The following PRKAG2 variants were observed in gnomAD, a reference collection of about 807,000 sequenced individuals.
PRKAG2 encodes protein kinase AMP-activated non-catalytic subunit gamma 2, also known as 5'-AMP-activated protein kinase subunit gamma-2.
PRKAG2 carries 26 observed loss-of-function variants against 69.6 expected under a neutral mutation model. The ratio of observed to expected loss-of-function variants is 0.37; its 90% CI spans 0.27 to 0.52. The LOEUF is 0.52. Among genes scored for constraint, PRKAG2 ranks in the 20% least tolerant of loss-of-function variants. The pLI, the probability that PRKAG2 is intolerant of heterozygous loss-of-function variation, is 0.90. For missense variants in PRKAG2, 557 were observed against 740.0 expected (o/e 0.75, Z 2.87); for synonymous variants, 293 against 285.0 (o/e 1.03, Z -0.28).
chr7:151,568,395 C>CA (rs1451902090), intron 11 of PRKAG2, among the ~76,000 whole-genome samples: 11 of 152,206 alleles, frequency 7.2e-5, no homozygotes, highest in African/African-American at 2.7e-4. Flanking sequence ...TTATCTTGTA[C>CA]AACAGTCCTC....
intron 7 of PRKAG2, among the ~76,000 whole-genome samples, chr7:151,575,656 G>C (rs903025938): frequency 1.3e-5 from 2 of 152,184 alleles, no homozygotes; most frequent in African/African-American, 2.4e-5. Context: ...TGTCAAAAAG[G>C]TGTGCACTAG....
chr7:151,659,861 C>T (rs1299348465), intron 4 of PRKAG2, among the ~76,000 whole-genome samples: 3 of 152,190 alleles, frequency 2.0e-5, no homozygotes, highest in Admixed American at 6.6e-5. Flanking sequence ...TATATTTTCC[C>T]ACTAGCTGTG....
intron 5 of PRKAG2, among the ~76,000 whole-genome samples, chr7:151,621,739 G>C (rs545829653): frequency 5.3e-5 from 8 of 151,916 alleles, no homozygotes; most frequent in African/African-American, 1.9e-4. Flanking sequence ...CACCCGGATA[G>C]TTTTTGTATT....
At chr7:151,682,484 T>C (rs1369783211) in intron 3 of PRKAG2, among the ~76,000 whole-genome samples, 1 of 152,224 alleles carries the variant, frequency 6.6e-6, no homozygotes, top group East Asian at 1.9e-4. Context: ...AGTCACCTCC[T>C]GCCTCAGCCT....
chr7:151,715,771 A>G (rs150127939), intron 3 of PRKAG2, among the ~76,000 whole-genome samples: 2 of 152,300 alleles, frequency 1.3e-5, no homozygotes, highest in African/African-American at 4.8e-5. Flanking sequence ...CCAGGGAGGC[A>G]GCGAACAGGA....
rs1219148226 is a variant in PRKAG2 at position 151,570,508 on chromosome 7, TA to T, written c.1052-284del. 5.3e-5 allele frequency among the ~76,000 whole-genome samples: 8 copies of T among 152,260 alleles called. No individual in the cohort carries two copies. The East Asian group carries it at 1.5e-3, about 29-fold the overall frequency. On this transcript the variant is annotated intron_variant, in intron 9 of 15. Transcript: ENST00000287878. ...AATCAGGAAAAACAAAGAAATCTGATAAAAGAGCAATACCAGCAGAGGTCAC... is the reference window on the plus strand; with the variant it reads ...AATCAGGAAAAACAAAGAAATCTGATAAAGAGCAATACCAGCAGAGGTCAC...
At chr7:151,629,919 C>T (rs1406952522) in intron 5 of PRKAG2, among the ~76,000 whole-genome samples, 1 of 152,080 alleles carries the variant, frequency 6.6e-6, no homozygotes, top group Non-Finnish European at 1.5e-5. Flanking sequence ...GTGTGAGATT[C>T]TGCTTGATAT....
chr7:151,733,369 T>A (rs969416676), intron 3 of PRKAG2, among the ~76,000 whole-genome samples: 3 of 152,208 alleles, frequency 2.0e-5, no homozygotes, highest in African/African-American at 7.2e-5. Context: ...TGCATCTGCA[T>A]CCAGGCTCTT....
intron 1 of PRKAG2, among the ~76,000 whole-genome samples, chr7:151,841,239 C>T (rs62480472): frequency 0.17 from 25,637 of 152,186 alleles, 2,292 homozygotes; most frequent in East Asian, 0.27. Flanking sequence ...CCTCCCATCT[C>T]AGCCTCCCAA....
chr7:151,854,313 G>A (rs550457747), intron 1 of PRKAG2, among the ~76,000 whole-genome samples: 3 of 152,248 alleles, frequency 2.0e-5, no homozygotes, highest in Non-Finnish European at 2.9e-5. Flanking sequence ...ACGAACACAC[G>A]TGCACATGCA....
intron 2 of PRKAG2, among the ~76,000 whole-genome samples, chr7:151,782,372 G>GGAGGGAAA (rs1563663443): frequency 3.5e-5 from 1 of 28,520 alleles, no homozygotes; most frequent in African/African-American, 9.4e-5. Context: ...AGGGAGGGAG[G>GGAGGGAAA]GAAGGAAAGA....
intron 3 of PRKAG2, among the ~76,000 whole-genome samples, chr7:151,745,271 G>T (rs943688269): frequency 5.9e-5 from 9 of 152,176 alleles, no homozygotes; most frequent in Admixed American, 4.6e-4. Flanking sequence ...CCTCCGCGCC[G>T]GGGAGCAGCA....
intron 1 of PRKAG2, among the ~76,000 whole-genome samples, chr7:151,830,182 C>T (rs73160033): frequency 0.25 from 37,533 of 149,466 alleles, 5,282 homozygotes; most frequent in Non-Finnish European, 0.29. Flanking sequence ...AGAAGTTCAG[C>T]GGTTTGCCAT....
At chr7:151,750,539 T>C (rs992399535) in intron 3 of PRKAG2, among the ~76,000 whole-genome samples, 2 of 152,204 alleles carry the variant, frequency 1.3e-5, no homozygotes, top group Admixed American at 6.5e-5. Context: ...CTGTGAGATA[T>C]GCAGAATAGG....
intron 1 of PRKAG2, 138 bp downstream of exon 1, chr7:151,876,369 T>C (rs1050253574): frequency 7.0e-6 from 6 of 851,596 alleles, no homozygotes; most frequent in South Asian, 2.8e-5. Context: ...CCTGTCCCTC[T>C]ACCCTTTCCC....
intron 3 of PRKAG2, among the ~76,000 whole-genome samples, chr7:151,737,085 G>C (rs957537550): frequency 6.6e-5 from 10 of 152,156 alleles, no homozygotes; most frequent in Non-Finnish European, 8.8e-5. Flanking sequence ...TTGACTTTTT[G>C]TCTGATAGCC....
chr7:151,763,372 G>A (rs980541574), intron 3 of PRKAG2, among the ~76,000 whole-genome samples: 6 of 152,202 alleles, frequency 3.9e-5, no homozygotes, highest in Non-Finnish European at 7.3e-5. Context: ...GGGAAGTGAC[G>A]CCTGTCCTCT....
chr7:151,757,092 C>G (rs1041965730), intron 3 of PRKAG2, among the ~76,000 whole-genome samples: 5 of 152,164 alleles, frequency 3.3e-5, no homozygotes, highest in African/African-American at 1.2e-4. Context: ...TGAACCACTG[C>G]CTGGCGTTTG....
chr7:151,711,275 G>C (rs940226969), intron 3 of PRKAG2, among the ~76,000 whole-genome samples: 4 of 80,428 alleles, frequency 5.0e-5, no homozygotes, highest in Admixed American at 4.7e-4. Flanking sequence ...GCTAGGCTGA[G>C]AGTACTGAGT....
Sources: allele counts gnomAD v4.1 joint callset (sites outside exome capture counted in the v4.1 genomes callset), GRCh38; gene constraint gnomAD v4.1.1; transcripts MANE v1.5; gene names NCBI Gene and HGNC (gene_info 2026-07-23, HGNC 2026-07-21).